ZFAT: variants seen among roughly 807,000 people sequenced by gnomAD.
The protein encoded by ZFAT is zinc finger and AT-hook domain containing, also known as zinc finger protein ZFAT.
A neutral mutation model predicts 117.7 loss-of-function variants in ZFAT; 64 were observed. The ratio of observed to expected loss-of-function variants is 0.54; its 90% CI spans 0.44 to 0.67. ZFAT has a LOEUF of 0.67. Among genes scored for constraint, ZFAT ranks in the 30% least tolerant of loss-of-function variants. The pLI is 0.00. For synonymous variants in ZFAT, 679 were observed against 615.0 expected, an observed-to-expected ratio of 1.10 and a Z score of -1.54; for missense variants, 1,433 against 1,584.5, an observed-to-expected ratio of 0.90 and a Z score of 1.62.
At chr8:134,629,659 T>C (rs2131063058) in intron 3 of ZFAT, among the ~76,000 whole-genome samples, 1 of 152,258 alleles carries the variant, frequency 6.6e-6, no homozygotes, top group East Asian at 1.9e-4. Context: ...CTTCATTCAC[T>C]CTCTCTCCTG....
chr8:134,636,381 T>C (rs1830212497), intron 3 of ZFAT, among the ~76,000 whole-genome samples: 1 of 152,234 alleles, frequency 6.6e-6, no homozygotes, highest in African/African-American at 2.4e-5. Context: ...CTCACTGTAA[T>C]AGCTGGCATT....
intron 10 of ZFAT, among the ~76,000 whole-genome samples, chr8:134,567,587 T>C (rs1824565048): frequency 6.6e-6 from 1 of 152,122 alleles, no homozygotes; most frequent in African/African-American, 2.4e-5. Flanking sequence ...TCCCACAGTC[T>C]AGCCATCAGA....
At position 134,602,096 on chromosome 8, in the gene ZFAT, C is replaced by G. The variant is rs750432155; in HGVS notation, c.1623G>C (p.Gln541His). 3 of 1,611,828 alleles carry G rather than the reference C, an allele frequency of 1.9e-6. No homozygotes were observed. Among genetic ancestry groups the G allele is most frequent in the African/African-American group, 1.3e-5 (1 of 74,928 alleles). Residue 541 changes from glutamine to histidine, a missense_variant, in exon 6 of 16, where the codon CAG becomes CAC. Around this residue, in one of 5 missense-constraint regions of ZFAT, gnomAD observed 372 missense variants for 355.6 expected, o/e 1.05. Transcript: ENST00000377838. ...CCGGCTCCTTCCGGCCCTCCTCCAG[C>G]TGAGTGTCCCCAGGACAGGCCTCTT... ...LKEEACPGDTQLEEGRKEPEA... is the reference protein window; with the variant it reads ...LKEEACPGDTHLEEGRKEPEA...
chr8:134,483,401 G>A (rs1817452648), intron 15 of ZFAT, among the ~76,000 whole-genome samples: 1 of 152,164 alleles, frequency 6.6e-6, no homozygotes. Flanking sequence ...TAGTGTGACA[G>A]CCACTATCAG....
chr8:134,809,555 T>C, the ZFAT span, among the ~76,000 whole-genome samples: 29 of 152,338 alleles, frequency 1.9e-4, no homozygotes, highest in Middle Eastern at 3.4e-3. Context: ...TTTACCTTAA[T>C]TGTGATTACA....
chr8:134,575,198 C>A (rs574112530), intron 10 of ZFAT, among the ~76,000 whole-genome samples: 181 of 152,238 alleles, frequency 1.2e-3, no homozygotes, highest in African/African-American at 3.9e-3. Flanking sequence ...TTCTAATCCC[C>A]AGAACCTATA....
At chr8:134,825,571 C>T in the ZFAT span, among the ~76,000 whole-genome samples, 5 of 152,182 alleles carry the variant, frequency 3.3e-5, no homozygotes, top group South Asian at 8.3e-4. Flanking sequence ...ACTCTATCAG[C>T]GCATTAGAAG....
At chr8:134,688,335 G>T (rs75529813) in intron 1 of ZFAT, among the ~76,000 whole-genome samples, 1 of 151,982 alleles carries the variant, frequency 6.6e-6, no homozygotes, top group Non-Finnish European at 1.5e-5. Flanking sequence ...ACATGCACCC[G>T]CAAAACGTGT....
At chr8:134,626,259 G>A (rs74613702) in intron 3 of ZFAT, among the ~76,000 whole-genome samples, 1,880 of 152,302 alleles carry the variant, frequency 0.012, 26 homozygotes, top group African/African-American at 0.043. Context: ...GCAGGGGAGC[G>A]TGGAGAATCG....
the ZFAT span, among the ~76,000 whole-genome samples, chr8:134,830,806 T>C: frequency 6.6e-6 from 1 of 152,216 alleles, no homozygotes; most frequent in Admixed American, 6.5e-5. Context: ...AACATTCAAA[T>C]ATATATATTT....
chr8:134,654,220 G>A (rs899426928), intron 2 of ZFAT, among the ~76,000 whole-genome samples: 13 of 152,048 alleles, frequency 8.5e-5, no homozygotes, highest in Admixed American at 6.5e-5. Context: ...ACTTGAACCC[G>A]GGAGACGGAC....
intron 11 of ZFAT, among the ~76,000 whole-genome samples, chr8:134,559,151 T>A (rs1028718951): frequency 6.6e-6 from 1 of 152,250 alleles, no homozygotes; most frequent in Non-Finnish European, 1.5e-5. Context: ...TTAATTGACA[T>A]GGTTAAAATA....
chr8:134,757,968 T>G, the ZFAT span, among the ~76,000 whole-genome samples: 1 of 152,234 alleles, frequency 6.6e-6, no homozygotes, highest in African/African-American at 2.4e-5. Flanking sequence ...TGCAACTGAC[T>G]GCTGATCAAT....
chr8:134,537,566 G>C (rs550807489), intron 11 of ZFAT, among the ~76,000 whole-genome samples: 14 of 152,334 alleles, frequency 9.2e-5, no homozygotes, highest in African/African-American at 3.4e-4. Flanking sequence ...TGTGCTGTGT[G>C]CTGGGTCAGG....
the ZFAT span, among the ~76,000 whole-genome samples, chr8:134,827,120 C>T: frequency 5.9e-5 from 9 of 152,236 alleles, no homozygotes; most frequent in Middle Eastern, 6.8e-3. Context: ...GGCGTGATCT[C>T]GGCTCACTGC....
chr8:134,695,524 A>G (rs1586964057), intron 1 of ZFAT, among the ~76,000 whole-genome samples: 1 of 140,372 alleles, frequency 7.1e-6, no homozygotes, highest in African/African-American at 2.7e-5. Context: ...CCCCACCCCC[A>G]GGCCCTGCCT....
At chr8:134,612,509 G>A (rs918696317) in intron 3 of ZFAT, among the ~76,000 whole-genome samples, 1 of 152,190 alleles carries the variant, frequency 6.6e-6, no homozygotes, top group Non-Finnish European at 1.5e-5. Flanking sequence ...GCTCACTCAA[G>A]AGGCAAGAAA....
intron 1 of ZFAT, among the ~76,000 whole-genome samples, chr8:134,664,272 A>T (rs1016842935): frequency 2.0e-5 from 3 of 152,132 alleles, no homozygotes; most frequent in African/African-American, 7.2e-5. Flanking sequence ...AGGGGCAAGC[A>T]GAACCCGGAT....
the ZFAT span, chr8:134,794,925 C>G: frequency 6.6e-6 from 1 of 152,186 alleles, no homozygotes; most frequent in Non-Finnish European, 1.5e-5. Context: ...TGTGCAGGGT[C>G]CTTCACATAG....
Sources: allele counts gnomAD v4.1 joint callset (sites outside exome capture counted in the v4.1 genomes callset), GRCh38; gene constraint gnomAD v4.1.1; regional missense constraint gnomAD v4.1.1; transcripts MANE v1.5; gene names NCBI Gene and HGNC (gene_info 2026-07-23, HGNC 2026-07-21).